The following SERINC5 variants were observed in gnomAD, a reference collection of about 807,000 sequenced individuals.
SERINC5 encodes chromosome 5 open reading frame 12.
SERINC5 carries 41 observed loss-of-function variants against 63.1 expected under a neutral mutation model. The observed-to-expected ratio is 0.65, with a 90% CI of 0.51 to 0.84. The LOEUF is 0.84. Among genes scored for constraint, SERINC5 ranks in the 40% least tolerant of loss-of-function variants. The probability of loss-of-function intolerance (pLI) is 0.00; values close to 1 mark genes in which losing one functional copy is unlikely to be tolerated. For synonymous variants in SERINC5, 222 were observed against 215.2 expected (o/e 1.03, Z -0.28); for missense variants, 523 against 573.0 (o/e 0.91, Z 0.89).
At chr5:80,145,064 G>A (rs907309357) in intron 11 of SERINC5, among the ~76,000 whole-genome samples, 1 of 151,940 alleles carries the variant, frequency 6.6e-6, no homozygotes, top group African/African-American at 2.4e-5. Context: ...AAATTAGCTG[G>A]ACATGGTGGA....
Position 80,228,148 on chromosome 5 carries a change from C to T in SERINC5, c.28-25095G>A, listed in dbSNP as rs551492205. Among the ~76,000 whole-genome samples, 23 of 149,822 alleles carry T rather than the reference C, an allele frequency of 1.5e-4. No homozygotes were observed. The South Asian group carries it at 4.7e-3, about 31-fold the overall frequency. ...CCAGGAGACTGAGATGGGAGGATCA[C>T]CAGAGCCTGTGAGGTCAAGAAGGCT... On this transcript the variant is annotated intron_variant, in intron 1 of 11. Transcript: ENST00000507668.
chr5:80,233,519 G>A (rs909804373), intron 1 of SERINC5, among the ~76,000 whole-genome samples: 3 of 152,046 alleles, frequency 2.0e-5, no homozygotes, highest in African/African-American at 7.2e-5. Context: ...AAAATCACTT[G>A]GTTGGACATC....
chr5:80,139,128 A>C lies in SERINC5; in HGVS notation c.*4535T>G. On this transcript the variant is annotated 3_prime_UTR_variant, in exon 12 of 12. Transcript: ENST00000507668. Reference sequence around the variant, plus strand: ...ACACATATTGCATTTTCAAATTCTAATGTAGCAAAACGTAACCACATAATT... The same window carrying C: ...ACACATATTGCATTTTCAAATTCTACTGTAGCAAAACGTAACCACATAATT... 1.0e-6 allele frequency: 1 copy of C among 985,204 alleles called. No homozygotes were observed. The highest frequency in any genetic ancestry group is 1.7e-5 in the African/African-American group (1 of 57,362). The allele number at this position is 985,204 out of a possible 1,614,324, so 61.0% of individuals were successfully genotyped here. A position where few individuals can be genotyped will look rare whatever the true frequency, so the allele number is the denominator to read the frequency against.
intron 2 of SERINC5, among the ~76,000 whole-genome samples, chr5:80,189,675 T>C (rs986546575): frequency 1.3e-5 from 2 of 152,204 alleles, no homozygotes; most frequent in African/African-American, 2.4e-5. Flanking sequence ...CACATGCTTA[T>C]AGTCTAAGTG....
chr5:80,174,056 C>G lies in SERINC5; in HGVS notation c.551+898G>C, dbSNP rs576732152. Among the ~76,000 whole-genome samples, 3 of 152,090 alleles carry G rather than the reference C, an allele frequency of 2.0e-5. No homozygotes were observed. In the East Asian group the frequency reaches 5.8e-4, roughly 29 times the overall value. ...GGTCAGAGGGGCCGACTGATGAGCT[C>G]TACAGTGAGAACAAGCATTAAAAGG... On this transcript the variant is annotated intron_variant, in intron 5 of 11. Transcript: ENST00000507668.
intron 7 of SERINC5, among the ~76,000 whole-genome samples, chr5:80,163,119 T>C (rs545971700): frequency 1.3e-4 from 20 of 152,086 alleles, no homozygotes; most frequent in Admixed American, 7.9e-4. Flanking sequence ...CCTCCCAAAG[T>C]GCTGGGATTA....
intron 1 of SERINC5, among the ~76,000 whole-genome samples, chr5:80,209,654 A>G (rs1253354600): frequency 6.6e-6 from 1 of 152,230 alleles, no homozygotes; most frequent in East Asian, 1.9e-4. Flanking sequence ...AACAGGGGAC[A>G]TCTATGATAC....
chr5:80,214,411 A>T (rs1750570936), intron 1 of SERINC5, among the ~76,000 whole-genome samples: 1 of 152,212 alleles, frequency 6.6e-6, no homozygotes, highest in Non-Finnish European at 1.5e-5. Flanking sequence ...TTTTGGAAGA[A>T]AACAAAACAT....
intron 2 of SERINC5, among the ~76,000 whole-genome samples, chr5:80,179,725 GAGC>G (rs1299936050): frequency 6.6e-6 from 1 of 152,214 alleles, no homozygotes; most frequent in Non-Finnish European, 1.5e-5. Flanking sequence ...ATGCTTCAGT[GAGC>G]ATTGCCTTTG....
intron 1 of SERINC5, among the ~76,000 whole-genome samples, chr5:80,234,151 A>T (rs1184803947): frequency 3.9e-5 from 6 of 152,082 alleles, no homozygotes; most frequent in Non-Finnish European, 7.4e-5. Context: ...GAAATGGCTG[A>T]ATCTTAGCAC....
At chr5:80,208,370 C>CT (rs1176368815) in intron 1 of SERINC5, among the ~76,000 whole-genome samples, 13 of 89,278 alleles carry the variant, frequency 1.5e-4, no homozygotes, top group Non-Finnish European at 2.3e-4. Context: ...TAAAACTGCT[C>CT]TAAAAAAAAA....
intron 2 of SERINC5, among the ~76,000 whole-genome samples, chr5:80,182,560 C>CT (rs1487900953): frequency 2.5e-5 from 3 of 121,148 alleles, no homozygotes; most frequent in Non-Finnish European, 5.0e-5. Context: ...CCCCCCTCCG[C>CT]TTTTTTTTAA....
chr5:80,237,447 C>T (rs1266578855), intron 1 of SERINC5, among the ~76,000 whole-genome samples: 1 of 152,042 alleles, frequency 6.6e-6, no homozygotes, highest in East Asian at 1.9e-4. Context: ...GATCCTCCCA[C>T]CTCAGCCTAC....
chr5:80,192,841 G>A (rs1440914453), intron 2 of SERINC5, among the ~76,000 whole-genome samples: 2 of 152,166 alleles, frequency 1.3e-5, no homozygotes, highest in Admixed American at 6.6e-5. Flanking sequence ...CTAGAATGGG[G>A]AGAGAGCATT....
At chr5:80,157,262 G>A (rs1235959696) in intron 8 of SERINC5, 1 of 151,970 alleles carries the variant, frequency 6.6e-6, no homozygotes, top group Non-Finnish European at 1.5e-5. Flanking sequence ...CAAAGTGCTG[G>A]GATTACAAGC....
At chr5:80,194,422 CA>C (rs1245960017) in intron 2 of SERINC5, among the ~76,000 whole-genome samples, 1 of 152,214 alleles carries the variant, frequency 6.6e-6, no homozygotes, top group Non-Finnish European at 1.5e-5. Context: ...TACATTGGGA[CA>C]AACTGCACAG....
At chr5:80,153,618 T>G (rs893594728) in intron 8 of SERINC5, among the ~76,000 whole-genome samples, 3 of 152,116 alleles carry the variant, frequency 2.0e-5, no homozygotes, top group Non-Finnish European at 4.4e-5. Context: ...CTTCCTGTGC[T>G]AAGATAGGTG....
chr5:80,128,310 C>A (rs1243141865), intron 11 of SERINC5: 1 of 152,184 alleles, frequency 6.6e-6, no homozygotes, highest in Admixed American at 6.5e-5. Flanking sequence ...GGCTGGAATG[C>A]AGATTAGATG....
intron 1 of SERINC5, among the ~76,000 whole-genome samples, chr5:80,213,569 G>C (rs1750531893): frequency 6.6e-6 from 1 of 152,190 alleles, no homozygotes; most frequent in South Asian, 2.1e-4. Context: ...CTACAGGAGG[G>C]AGACAGGCTA....
Sources: allele counts gnomAD v4.1 joint callset (sites outside exome capture counted in the v4.1 genomes callset), GRCh38; gene constraint gnomAD v4.1.1; transcripts MANE v1.5; gene names NCBI Gene and HGNC (gene_info 2026-07-23, HGNC 2026-07-21).